The following MGAT5 variants were observed in gnomAD, a reference collection of about 807,000 sequenced individuals.
MGAT5 encodes the protein alpha-1,6-mannosylglycoprotein 6-beta-N-acetylglucosaminyltransferase A.
MGAT5 carries 30 observed loss-of-function variants against 94.3 expected under a neutral mutation model. That is an observed-to-expected ratio of 0.32 (90% CI 0.24 to 0.43). The LOEUF (loss-of-function observed/expected upper bound fraction) is 0.43. Among genes scored for constraint, MGAT5 ranks in the 20% least tolerant of loss-of-function variants. MGAT5 has a pLI of 1.00. For synonymous variants in MGAT5, 310 were observed against 322.9 expected (o/e 0.96, Z 0.43); for missense variants, 691 against 905.5 (o/e 0.76, Z 3.04).
At chr2:134,239,599 C>T (rs1287734385) in intron 1 of MGAT5, among the ~76,000 whole-genome samples, 1 of 152,068 alleles carries the variant, frequency 6.6e-6, no homozygotes, top group African/African-American at 2.4e-5. Context: ...ACATTGAGCC[C>T]GCCTGGGTAG....
intron 1 of MGAT5, among the ~76,000 whole-genome samples, chr2:134,192,308 A>C (rs1679263525): frequency 6.6e-6 from 1 of 151,932 alleles, no homozygotes; most frequent in Admixed American, 6.5e-5. Context: ...TGCATCGTGG[A>C]GTGACTTGGC....
chr2:134,230,887 A>T (rs886733762), intron 1 of MGAT5, among the ~76,000 whole-genome samples: 1 of 152,188 alleles, frequency 6.6e-6, no homozygotes, highest in African/African-American at 2.4e-5. Context: ...AGTTTTATTC[A>T]TAATAGTATC....
intron 1 of MGAT5, among the ~76,000 whole-genome samples, chr2:134,182,646 G>T (rs528031285): frequency 6.6e-6 from 1 of 152,084 alleles, no homozygotes; most frequent in Non-Finnish European, 1.5e-5. Flanking sequence ...TCGTGTTCCC[G>T]TTTCCGGTCA....
rs548614703 is a variant in MGAT5 at position 134,136,070 on chromosome 2, CAGT to C, written c.-143+15784_-143+15786del. On this transcript the variant is annotated intron_variant, in intron 1 of 16. Transcript: ENST00000409645. ...ACTTTGGAAGGTTGGACATAAGTCA[CAGT>C]AGTATTAGTGCTGTTTGTGACTTTG... 7.2e-5 allele frequency among the ~76,000 whole-genome samples: 11 copies of C among 152,304 alleles called. No individual in the cohort carries two copies. The East Asian group carries it at 2.1e-3, about 29-fold the overall frequency.
chr2:134,308,091 CTTA>C (rs1303225449), intron 2 of MGAT5, among the ~76,000 whole-genome samples: 2 of 152,144 alleles, frequency 1.3e-5, no homozygotes, highest in Non-Finnish European at 2.9e-5. Context: ...GATAATAGTA[CTTA>C]TTATTGTGAG....
chr2:134,440,600 G>A (rs1305107666), intron 14 of MGAT5, among the ~76,000 whole-genome samples: 1 of 152,242 alleles, frequency 6.6e-6, no homozygotes, highest in African/African-American at 2.4e-5. Flanking sequence ...CACTGAGCTG[G>A]AATAAGAGCG....
intron 1 of MGAT5, among the ~76,000 whole-genome samples, chr2:134,214,787 T>C (rs1680383603): frequency 6.6e-6 from 1 of 152,144 alleles, no homozygotes; most frequent in African/African-American, 2.4e-5. Context: ...TGAGGTAACT[T>C]AGTAAGCAAA....
rs748087290 is a variant in MGAT5, at chr2:134,318,761, CT to C, written c.573+23del. 1.9e-6 allele frequency: 3 copies of C among 1,556,960 alleles called. No homozygotes were observed. In the African/African-American group the frequency reaches 4.1e-5, roughly 21 times the overall value. Reference sequence around the variant, plus strand: ...TGAGGTGAGTAGCTTTCTGTGGCTCCTGGGGGTAGATGTGACTGGTTGGACT... The same window carrying C: ...TGAGGTGAGTAGCTTTCTGTGGCTCCGGGGGTAGATGTGACTGGTTGGACT... On this transcript the variant is annotated intron_variant, in intron 4 of 15. Coordinates refer to ENST00000281923, the MANE Select transcript of MGAT5 (RefSeq NM_002410.5).
chr2:134,423,586 C>T (rs578160377), intron 13 of MGAT5, among the ~76,000 whole-genome samples: 2 of 152,286 alleles, frequency 1.3e-5, no homozygotes, highest in Admixed American at 1.3e-4. Flanking sequence ...CACAGCTGCA[C>T]TCTGCTGCTG....
At chr2:134,194,526 G>A (rs1420698386) in intron 1 of MGAT5, among the ~76,000 whole-genome samples, 3 of 152,088 alleles carry the variant, frequency 2.0e-5, no homozygotes, top group African/African-American at 7.2e-5. Flanking sequence ...GATGAGATAC[G>A]TCTGTGTGCT....
chr2:134,261,399 G>C (rs566955366), intron 1 of MGAT5, among the ~76,000 whole-genome samples: 1 of 152,154 alleles, frequency 6.6e-6, no homozygotes, highest in Non-Finnish European at 1.5e-5. Flanking sequence ...AAAAAGCTCC[G>C]CACCCCCTCA....
At chr2:134,325,166 G>C (rs2105927612) in intron 4 of MGAT5, among the ~76,000 whole-genome samples, 1 of 151,990 alleles carries the variant, frequency 6.6e-6, no homozygotes, top group Admixed American at 6.6e-5. Context: ...TAGACTTCTT[G>C]TTCTGGCCTC....
intron 1 of MGAT5, among the ~76,000 whole-genome samples, chr2:134,164,616 G>C (rs1044705360): frequency 6.6e-6 from 1 of 152,104 alleles, no homozygotes; most frequent in Non-Finnish European, 1.5e-5. Context: ...TCTCATTTCT[G>C]ATGCTTTCTG....
At chr2:134,121,041 G>A (rs1380218129) in intron 1 of MGAT5, among the ~76,000 whole-genome samples, 2 of 152,026 alleles carry the variant, frequency 1.3e-5, no homozygotes, top group Non-Finnish European at 2.9e-5. Flanking sequence ...TTCCTGCCGA[G>A]TCGTGAGCCG....
At chr2:134,437,317 G>A (rs1383579700) in intron 14 of MGAT5, among the ~76,000 whole-genome samples, 16 of 152,282 alleles carry the variant, frequency 1.1e-4, no homozygotes, top group Non-Finnish European at 5.9e-5. Flanking sequence ...CCTTTGTGCT[G>A]CTTCCTGTAC....
At chr2:134,224,716 G>A (rs1680966552) in intron 1 of MGAT5, among the ~76,000 whole-genome samples, 1 of 152,126 alleles carries the variant, frequency 6.6e-6, no homozygotes, top group Non-Finnish European at 1.5e-5. Flanking sequence ...TTACCTCTTA[G>A]GGTTGATTGC....
intron 10 of MGAT5, among the ~76,000 whole-genome samples, chr2:134,394,216 A>T (rs904335986): frequency 6.6e-6 from 1 of 152,248 alleles, no homozygotes; most frequent in Non-Finnish European, 1.5e-5. Flanking sequence ...GTTGTAAGAT[A>T]ATTACAAGTA....
intron 10 of MGAT5, among the ~76,000 whole-genome samples, chr2:134,400,382 G>A (rs999925): frequency 0.21 from 31,382 of 152,062 alleles, 3,528 homozygotes; most frequent in Middle Eastern, 0.37. Context: ...GGATTTTCAC[G>A]TTTATGAAAT....
At position 134,131,320 on chromosome 2, in the gene MGAT5, A is replaced by G. The variant is rs183352745; in HGVS notation, c.-143+11029A>G. ...AGAACCCACCAATTCGGGCCACACT[A>G]CTATTACAGTGGGGAAACCGAGGTG... On this transcript the variant is annotated intron_variant, in intron 1 of 16. Coordinates refer to the MGAT5 transcript ENST00000409645. Among the ~76,000 whole-genome samples, 650 of 152,268 alleles carry G rather than the reference A, an allele frequency of 4.3e-3. 3 individuals carry two copies. The highest frequency in any genetic ancestry group is 5.6e-3 in the Non-Finnish European group (383 of 68,026).
Sources: gnomAD v4.1 joint callset for allele counts (sites outside exome capture counted in the v4.1 genomes callset) on GRCh38, gnomAD v4.1.1 for gene constraint, MANE v1.5 for transcripts, NCBI Gene and HGNC (gene_info 2026-07-23, HGNC 2026-07-21) for gene names.